NRXN1: variants seen among roughly 807,000 people sequenced by gnomAD.
NRXN1 encodes neurexin 1.
Under a neutral mutation model 150.9 loss-of-function variants are expected in NRXN1, and 39 were observed. That is an observed-to-expected ratio of 0.26 (90% CI 0.20 to 0.34). The LOEUF (loss-of-function observed/expected upper bound fraction) is 0.34, where lower values mean the gene tolerates loss of function less well. NRXN1 is among the 10% of genes least tolerant of loss of function. The pLI is 1.00. For missense variants in NRXN1, 1,815 were observed against 1,949.9 expected, an observed-to-expected ratio of 0.93 and a Z score of 1.30; for synonymous variants, 924 against 757.0, an observed-to-expected ratio of 1.22 and a Z score of -3.62.
chr2:50,040,243 T>G (rs1413278312), intron 21 of NRXN1, among the ~76,000 whole-genome samples: 1 of 151,930 alleles, frequency 6.6e-6, no homozygotes, highest in Non-Finnish European at 1.5e-5. Flanking sequence ...ATGTGGATAC[T>G]TAAGAGATAA....
At chr2:50,600,094 T>G (rs573492201) in intron 8 of NRXN1, among the ~76,000 whole-genome samples, 1 of 152,156 alleles carries the variant, frequency 6.6e-6, no homozygotes, top group South Asian at 2.1e-4. Flanking sequence ...CAAGGAGAAA[T>G]GCAGAATGTC....
At chr2:50,660,967 C>T (rs1262718944) in intron 5 of NRXN1, among the ~76,000 whole-genome samples, 1 of 151,956 alleles carries the variant, frequency 6.6e-6, no homozygotes. Context: ...CTTAAAATAT[C>T]ATTGCAAGTT....
intron 5 of NRXN1, among the ~76,000 whole-genome samples, chr2:50,680,034 G>A (rs1574075007): frequency 6.6e-6 from 1 of 152,000 alleles, no homozygotes; most frequent in South Asian, 2.1e-4. Flanking sequence ...TGGGGGTTGG[G>A]GTGGGGGGAT....
At chr2:50,829,226 A>AGGGAGAGGGAGACCGTG (rs1435884359) in intron 5 of NRXN1, among the ~76,000 whole-genome samples, 35 of 150,672 alleles carry the variant, frequency 2.3e-4, no homozygotes, top group Admixed American at 4.6e-4. Flanking sequence ...GTGGAAAGAG[A>AGGGAGAGGGAGACCGTG]GGGAGAGGGA....
At chr2:50,032,039 A>G (rs75710105) in intron 21 of NRXN1, among the ~76,000 whole-genome samples, 6,664 of 152,170 alleles carry the variant, frequency 0.044, 187 homozygotes, top group Middle Eastern at 0.071. Flanking sequence ...AAATATATCA[A>G]TATGTGTTTT....
At chr2:50,402,481 G>A (rs1202798768) in intron 17 of NRXN1, among the ~76,000 whole-genome samples, 3 of 152,090 alleles carry the variant, frequency 2.0e-5, no homozygotes, top group South Asian at 2.1e-4. Context: ...TAGAATGTGG[G>A]GGCGGGAAAC....
At chr2:50,107,714 T>C (rs909209735) in intron 18 of NRXN1, among the ~76,000 whole-genome samples, 13 of 151,760 alleles carry the variant, frequency 8.6e-5, no homozygotes, top group African/African-American at 3.1e-4. Flanking sequence ...ATTACTAACG[T>C]AAAAGTATCT....
chr2:50,991,441 C>T (rs906454986), intron 2 of NRXN1, among the ~76,000 whole-genome samples: 7 of 152,002 alleles, frequency 4.6e-5, no homozygotes, highest in African/African-American at 9.7e-5. Flanking sequence ...GAAGCCCAAG[C>T]CAGCCAGCTT....
intron 21 of NRXN1, among the ~76,000 whole-genome samples, chr2:49,989,149 A>G (rs185811465): frequency 6.6e-6 from 1 of 152,292 alleles, no homozygotes; most frequent in East Asian, 1.9e-4. Flanking sequence ...TCCAAGTCCA[A>G]TGGCTTGTGT....
chr2:50,207,901 G>C (rs897367231), intron 18 of NRXN1, among the ~76,000 whole-genome samples: 1 of 152,104 alleles, frequency 6.6e-6, no homozygotes, highest in African/African-American at 2.4e-5. Flanking sequence ...ATGTAGAGTA[G>C]GAGGGACACA....
At chr2:50,928,519 A>G (rs1687258119) in intron 2 of NRXN1, among the ~76,000 whole-genome samples, 1 of 151,978 alleles carries the variant, frequency 6.6e-6, no homozygotes, top group Non-Finnish European at 1.5e-5. Context: ...TTCTCCAGGT[A>G]TTTTTTTCCC....
intron 2 of NRXN1, among the ~76,000 whole-genome samples, chr2:50,938,061 T>C (rs1358148561): frequency 1.3e-5 from 2 of 152,090 alleles, no homozygotes; most frequent in African/African-American, 4.8e-5. Context: ...AAAGGTAAAG[T>C]AAAAATATGA....
At chr2:50,500,853 C>T (rs1189333825) in intron 13 of NRXN1, among the ~76,000 whole-genome samples, 4 of 152,186 alleles carry the variant, frequency 2.6e-5, no homozygotes, top group Non-Finnish European at 5.9e-5. Context: ...CCCTCCCTTA[C>T]ATCCACTTGT....
intron 8 of NRXN1, among the ~76,000 whole-genome samples, chr2:50,572,752 A>C (rs1440701047): frequency 6.6e-6 from 1 of 152,230 alleles, no homozygotes; most frequent in African/African-American, 2.4e-5. Context: ...AGAGAATTAG[A>C]AGTTAATAAA....
At chr2:50,293,164 C>T (rs1558467419) in intron 17 of NRXN1, among the ~76,000 whole-genome samples, 1 of 152,118 alleles carries the variant, frequency 6.6e-6, no homozygotes, top group Non-Finnish European at 1.5e-5. Flanking sequence ...TTCTTCCATT[C>T]CCAAGCCTGC....
intron 17 of NRXN1, among the ~76,000 whole-genome samples, chr2:50,290,369 TAA>T (rs1250381501): frequency 1.3e-5 from 2 of 152,120 alleles, no homozygotes; most frequent in Non-Finnish European, 2.9e-5. Context: ...CTGTATATAA[TAA>T]GGGAGGAAGA....
At chr2:50,462,486 T>C (rs1451186150) in intron 17 of NRXN1, among the ~76,000 whole-genome samples, 1 of 151,740 alleles carries the variant, frequency 6.6e-6, no homozygotes, top group African/African-American at 2.4e-5. Flanking sequence ...AGAAATTACA[T>C]GATATACCAG....
intron 17 of NRXN1, among the ~76,000 whole-genome samples, chr2:50,374,432 A>G (rs1346953905): frequency 2.0e-5 from 3 of 152,076 alleles, no homozygotes; most frequent in Non-Finnish European, 4.4e-5. Flanking sequence ...ATTAAATAAT[A>G]AAGCACCAAA....
chr2:50,894,205 A>G (rs1037692749), intron 5 of NRXN1, among the ~76,000 whole-genome samples: 1 of 151,286 alleles, frequency 6.6e-6, no homozygotes. Context: ...TAACCTGCAC[A>G]TTGTGCACAT....
Sources: allele counts gnomAD v4.1 joint callset (sites outside exome capture counted in the v4.1 genomes callset), GRCh38; gene constraint gnomAD v4.1.1; transcripts MANE v1.5; gene names NCBI Gene and HGNC (gene_info 2026-07-23, HGNC 2026-07-21).